The following GLS variants were observed in gnomAD, a reference collection of about 807,000 sequenced individuals.
GLS encodes the protein glutaminase.
In GLS, 36 loss-of-function variants were observed where a neutral mutation model predicts 86.7. The observed-to-expected ratio is 0.42, with a 90% confidence interval of 0.32 to 0.55. The LOEUF is 0.55. GLS is among the 20% of genes least tolerant of loss of function. The probability of loss-of-function intolerance (pLI) is 0.17; values close to 1 mark genes in which losing one functional copy is unlikely to be tolerated. For synonymous variants in GLS, 317 were observed against 305.9 expected, an observed-to-expected ratio of 1.04 and a Z score of -0.38; for missense variants, 528 against 833.4, an observed-to-expected ratio of 0.63 and a Z score of 4.51.
In GLS at chr2:190,963,164, A is replaced by C; in HGVS notation, c.*178A>C. ...TCTGATCTCTTTGGGAAAAAATAGAAATAAAACAATCTCCCTCCATAATGT... is the reference window on the plus strand; with the variant it reads ...TCTGATCTCTTTGGGAAAAAATAGACATAAAACAATCTCCCTCCATAATGT... On this transcript the variant is annotated 3_prime_UTR_variant, in exon 18 of 18. Transcript: ENST00000320717. 1 of 474,026 alleles carries C rather than the reference A, an allele frequency of 2.1e-6. No homozygotes were observed. Among genetic ancestry groups the C allele is most frequent in the South Asian group, 3.7e-5 (1 of 26,674 alleles). The allele number at this position is 474,026 out of a possible 1,614,324, so 29.4% of individuals were successfully genotyped here.
chr2:190,911,905 A>G (rs1037264843), intron 7 of GLS, among the ~76,000 whole-genome samples: 3 of 152,114 alleles, frequency 2.0e-5, no homozygotes. Flanking sequence ...CATAGTCTCA[A>G]AAGGGCTTAT....
In GLS at chr2:190,935,294, A is replaced by G; in HGVS notation, c.1650+3657A>G. 1.9e-6 allele frequency: 1 copy of G among 520,180 alleles called. No individual in the cohort carries two copies. Among genetic ancestry groups the G allele is most frequent in the Non-Finnish European group, 2.5e-6 (1 of 405,260 alleles). 32.2% of individuals were successfully genotyped at this position (520,180 alleles called of 1,614,324 possible). A position where few individuals can be genotyped will look rare whatever the true frequency, so the allele number is the denominator to read the frequency against. Reference sequence around the variant, plus strand: ...AATAAATTTATTTTAAGCTGATTTTATTGTTTTTTTTGTTTTGTTTTGTTT... The same window carrying G: ...AATAAATTTATTTTAAGCTGATTTTGTTGTTTTTTTTGTTTTGTTTTGTTT... On this transcript the variant is annotated intron_variant, in intron 14 of 17. Coordinates refer to ENST00000320717, the MANE Select transcript of GLS (RefSeq NM_014905.5). The surrounding 1 kb of genome is among the most constrained non-coding windows in gnomAD (Gnocchi z 4.2).
chr2:190,887,736 A>G (rs1328794697), intron 1 of GLS, among the ~76,000 whole-genome samples: 2 of 152,164 alleles, frequency 1.3e-5, no homozygotes, highest in African/African-American at 2.4e-5. Context: ...TTTATTTCCT[A>G]TTATTTTTGG....
chr2:190,936,290 G>A (rs1690266770), intron 14 of GLS, among the ~76,000 whole-genome samples: 1 of 151,026 alleles, frequency 6.6e-6, no homozygotes, highest in African/African-American at 2.4e-5. Flanking sequence ...ATACTGATAT[G>A]TCAGCCTATA....
chr2:190,960,314 T>C (rs1349060384), intron 17 of GLS, among the ~76,000 whole-genome samples: 1 of 152,040 alleles, frequency 6.6e-6, no homozygotes, highest in Non-Finnish European at 1.5e-5. Flanking sequence ...TTGGAGCAAG[T>C]TGATTACTCT....
chr2:190,905,360 C>A lies in GLS; in HGVS notation c.979+193C>A. 1 of 463,432 alleles carries A rather than the reference C, an allele frequency of 2.2e-6. No homozygotes were observed. The highest frequency in any genetic ancestry group is 3.8e-6 in the Non-Finnish European group (1 of 261,428). 28.7% of individuals were successfully genotyped at this position (463,432 alleles called of 1,614,324 possible). On this transcript the variant is annotated intron_variant, in intron 6 of 17. Coordinates refer to ENST00000320717, the MANE Select transcript of GLS (RefSeq NM_014905.5). The surrounding 1 kb of genome is among the most constrained non-coding windows in gnomAD (Gnocchi z 4.6). The stretch of plus-strand genomic sequence containing the variant: ...GCATCTCATACCACTGGGAAGTGGG[C>A]TAGGGAGAACATGAACTTCTCTCTT...
chr2:190,946,718 C>T (rs1248455266), intron 14 of GLS, among the ~76,000 whole-genome samples: 10 of 152,112 alleles, frequency 6.6e-5, no homozygotes, highest in Non-Finnish European at 7.4e-5. Flanking sequence ...TCTCCCCTCC[C>T]GCTTTGGTCC....
chr2:190,895,992 T>C lies in GLS; in HGVS notation c.605+267T>C, dbSNP rs1688725262. The C allele has an allele frequency of 1.3e-5, 3 of 223,180 alleles. No homozygotes were observed. Among genetic ancestry groups the C allele is most frequent in the African/African-American group, 6.8e-5 (3 of 44,178 alleles). 13.8% of individuals were successfully genotyped at this position (223,180 alleles called of 1,614,324 possible). On this transcript the variant is annotated intron_variant, in intron 3 of 17. Coordinates refer to ENST00000320717, the MANE Select transcript of GLS (RefSeq NM_014905.5). This position sits in a 1 kb window ranked among gnomAD's most constrained non-coding sequence, Gnocchi z 4.2. Reference sequence around the variant, plus strand: ...ACTTGGAGATTGCATTCAGTTTGAGTAGAGCACATCCTTTGTCCTGTCATT... The same window carrying C: ...ACTTGGAGATTGCATTCAGTTTGAGCAGAGCACATCCTTTGTCCTGTCATT...
chr2:190,891,700 T>C (rs1198019681), intron 1 of GLS, among the ~76,000 whole-genome samples: 1 of 152,094 alleles, frequency 6.6e-6, no homozygotes, highest in Non-Finnish European at 1.5e-5. Context: ...GCCCTGCATT[T>C]AAACTTAATG....
chr2:190,929,584 C>T (rs1690032400), intron 12 of GLS, among the ~76,000 whole-genome samples: 3 of 151,422 alleles, frequency 2.0e-5, no homozygotes, highest in Admixed American at 1.3e-4. Context: ...ATTCTCCTGC[C>T]GCAGCCTCCC....
In GLS at chr2:190,880,861, C is replaced by A; in HGVS notation, c.-224C>A. On this transcript the variant is annotated 5_prime_UTR_variant, in exon 1 of 18. Coordinates refer to ENST00000320717, the MANE Select transcript of GLS (RefSeq NM_014905.5). ...GCGGAGCGAAGAGAACCGGTCGCGG[C>A]AATCCTAGCGCGCAGCAGCAGCAGC... The A allele has an allele frequency of 2.5e-6, 2 of 807,894 alleles. No individual in the cohort carries two copies. The highest frequency in any genetic ancestry group is 3.0e-5 in the South Asian group (2 of 67,768). The allele number at this position is 807,894 out of a possible 1,614,324, so 50.0% of individuals were successfully genotyped here.
Position 190,959,532 on chromosome 2 carries a change from T to A in GLS, c.1854-3298T>A, listed in dbSNP as rs563962401. On this transcript the variant is annotated intron_variant, in intron 17 of 17. Transcript: ENST00000320717. ...TCATAGTGTCAATGGTCTTTACAAT[T>A]TTGTATGTTTTTGCAGTTGCTGGTT... is the stretch of plus-strand genomic sequence containing the variant. Among the ~76,000 whole-genome samples, 6 of 152,350 alleles carry A rather than the reference T, an allele frequency of 3.9e-5. No individual in the cohort carries two copies. In the South Asian group the frequency reaches 8.3e-4, roughly 21 times the overall value.
chr2:190,932,717 ATTCCTTTGG>A, intron 14 of GLS: 1 of 1,586,222 alleles, frequency 6.3e-7, no homozygotes, highest in East Asian at 2.3e-5. Flanking sequence ...AACAACTAGC[ATTCCTTTGG>A]ACCATTGGAC....
At position 190,914,810 on chromosome 2, in the gene GLS, AGT is replaced by A. The variant is rs1320653537; in HGVS notation, c.1038+4492_1038+4493del. On this transcript the variant is annotated intron_variant, in intron 7 of 17. Transcript: ENST00000320717. This position sits in a 1 kb window ranked among gnomAD's most constrained non-coding sequence, Gnocchi z 4.4. ...TTTATTGGCAGATGTCCTTGTTAAC[AGT>A]GTTTTTCACCTGTTATAAAGTATAA... is the stretch of plus-strand genomic sequence containing the variant. Among the ~76,000 whole-genome samples the A allele has an allele frequency of 6.6e-6, 1 of 152,146 alleles. No individual in the cohort carries two copies. Among genetic ancestry groups the A allele is most frequent in the Non-Finnish European group, 1.5e-5 (1 of 68,026 alleles).
At position 190,921,640 on chromosome 2, in the gene GLS, A is replaced by C. The variant is rs1221791485; in HGVS notation, c.1130+437A>C. On this transcript the variant is annotated intron_variant, in intron 9 of 17. Transcript: ENST00000320717. The surrounding 1 kb of genome is among the most constrained non-coding windows in gnomAD (Gnocchi z 4.2). ...ATAAAAAATATGTATGTATACCTCTAAACACAAATATGTAAATATATATGT... is the reference window on the plus strand; with the variant it reads ...ATAAAAAATATGTATGTATACCTCTCAACACAAATATGTAAATATATATGT... 6.6e-6 allele frequency among the ~76,000 whole-genome samples: 1 copy of C among 151,988 alleles called. No homozygotes were observed. The highest frequency in any genetic ancestry group is 1.5e-5 in the Non-Finnish European group (1 of 67,884).
intron 7 of GLS, among the ~76,000 whole-genome samples, chr2:190,918,317 C>A (rs1195458686): frequency 6.6e-6 from 1 of 152,138 alleles, no homozygotes; most frequent in East Asian, 1.9e-4. Context: ...TCAGCCCTTG[C>A]CATTGTTTCA....
chr2:190,898,150 AAAGT>A (rs1177879494), intron 3 of GLS, among the ~76,000 whole-genome samples: 5 of 152,312 alleles, frequency 3.3e-5, no homozygotes, highest in African/African-American at 1.2e-4. Context: ...GTTTTGCAAG[AAAGT>A]GAATGGTAGC....
Position 190,921,744 on chromosome 2 carries a change from C to A in GLS, c.1130+541C>A, listed in dbSNP as rs930464145. Among the ~76,000 whole-genome samples, 2 of 151,846 alleles carry A rather than the reference C, an allele frequency of 1.3e-5. No homozygotes were observed. Among genetic ancestry groups the A allele is most frequent in the Admixed American group, 1.3e-4 (2 of 15,218 alleles). The stretch of plus-strand genomic sequence containing the variant: ...TCACCCTTAGATAAGAAAGCACATA[C>A]AGTCTAAGAATAAGGACATTCTCCT... On this transcript the variant is annotated intron_variant, in intron 9 of 17. Coordinates refer to ENST00000320717, the MANE Select transcript of GLS (RefSeq NM_014905.5). The surrounding 1 kb of genome is among the most constrained non-coding windows in gnomAD (Gnocchi z 4.2).
intron 14 of GLS, among the ~76,000 whole-genome samples, chr2:190,936,132 T>C (rs1690262778): frequency 6.6e-6 from 1 of 151,170 alleles, no homozygotes; most frequent in Non-Finnish European, 1.5e-5. Flanking sequence ...ATTCAATATA[T>C]GTAACAGTTT....
Sources: gnomAD v4.1 joint callset for allele counts (sites outside exome capture counted in the v4.1 genomes callset) on GRCh38, gnomAD v4.1.1 for gene constraint, Gnocchi (gnomAD v3.1) non-coding constraint, MANE v1.5 for transcripts, NCBI Gene and HGNC (gene_info 2026-07-23, HGNC 2026-07-21) for gene names.